Variants in TCF4 observed in about 807,000 individuals in gnomAD.
The protein encoded by TCF4 is SL3-3 enhancer factor 2.
Under a neutral mutation model 82.1 loss-of-function variants are expected in TCF4, and 3 were observed. The observed-to-expected ratio is 0.04, with a 90% CI of 0.02 to 0.09. The LOEUF is 0.09. TCF4 is among the 10% of genes least tolerant of loss of function. The pLI is 1.00. For missense variants in TCF4, 518 were observed against 852.7 expected, an observed-to-expected ratio of 0.61 and a Z score of 4.89; for synonymous variants, 276 against 309.6, an observed-to-expected ratio of 0.89 and a Z score of 1.14.
intron 6 of TCF4, among the ~76,000 whole-genome samples, chr18:55,363,830 A>T (rs975160205): frequency 5.9e-5 from 9 of 152,056 alleles, no homozygotes; most frequent in Admixed American, 1.3e-4. Flanking sequence ...AATAAATAAA[A>T]ATAAATGAAA....
intron 5 of TCF4, among the ~76,000 whole-genome samples, chr18:55,410,863 T>C (rs530414280): frequency 1.3e-5 from 2 of 152,232 alleles, no homozygotes; most frequent in African/African-American, 2.4e-5. Flanking sequence ...TGAGTGAACA[T>C]CCTACAGTCC....
At chr18:55,270,169 C>T (rs1313065945) in intron 10 of TCF4, among the ~76,000 whole-genome samples, 3 of 152,066 alleles carry the variant, frequency 2.0e-5, no homozygotes, top group Non-Finnish European at 4.4e-5. Context: ...GGGTTTGCAT[C>T]AACTGTGGAG....
chr18:55,479,714 C>A (rs1256409159), intron 3 of TCF4, among the ~76,000 whole-genome samples: 1 of 152,144 alleles, frequency 6.6e-6, no homozygotes, highest in Non-Finnish European at 1.5e-5. Flanking sequence ...AGGCTAGGAC[C>A]AGAGCCCACC....
At chr18:55,509,154 A>G (rs887223951) in intron 3 of TCF4, among the ~76,000 whole-genome samples, 5 of 152,204 alleles carry the variant, frequency 3.3e-5, no homozygotes, top group African/African-American at 4.8e-5. Context: ...AAGGAACATT[A>G]TTGTCCACTG....
chr18:55,413,872 G>T (rs572553773), intron 5 of TCF4, among the ~76,000 whole-genome samples: 1 of 152,294 alleles, frequency 6.6e-6, no homozygotes. Context: ...CTGAATAGTG[G>T]TGAATGAGGC....
At chr18:55,374,649 C>A (rs2090248836) in intron 6 of TCF4, among the ~76,000 whole-genome samples, 1 of 151,708 alleles carries the variant, frequency 6.6e-6, no homozygotes, top group Non-Finnish European at 1.5e-5. Context: ...ATTTGTAATC[C>A]CAGCAGTTTG....
chr18:55,622,534 T>G (rs2097722429), intron 2 of TCF4, among the ~76,000 whole-genome samples: 1 of 151,412 alleles, frequency 6.6e-6, no homozygotes, highest in African/African-American at 2.4e-5. Context: ...AAGTAACTGC[T>G]TTGTTTAGTT....
chr18:55,585,525 C>T (rs2097633811), intron 2 of TCF4, 173 bp from the exon 3 acceptor site: 4 of 689,298 alleles, frequency 5.8e-6, no homozygotes, highest in Non-Finnish European at 9.8e-6. Flanking sequence ...TTACAGATCC[C>T]ACCCCAGCCC....
intron 5 of TCF4, among the ~76,000 whole-genome samples, chr18:55,405,559 T>C (rs984722715): frequency 6.6e-6 from 1 of 152,226 alleles, no homozygotes; most frequent in African/African-American, 2.4e-5. Flanking sequence ...CTCAGCATTA[T>C]TTCCCAACTT....
chr18:55,483,532 G>A (rs1006881806), intron 3 of TCF4, among the ~76,000 whole-genome samples: 1 of 152,214 alleles, frequency 6.6e-6, no homozygotes, highest in Non-Finnish European at 1.5e-5. Flanking sequence ...TAGTAAAAAT[G>A]CAGTGAAACA....
rs1270340309 is a variant in TCF4, at chr18:55,421,209, T to TAC, written c.305-17693_305-17692dup. 2.0e-5 allele frequency among the ~76,000 whole-genome samples: 3 copies of TAC among 152,128 alleles called. No homozygotes were observed. In the East Asian group the frequency reaches 5.8e-4, roughly 29 times the overall value. On this transcript the variant is annotated intron_variant, in intron 5 of 19. Coordinates refer to ENST00000354452, the MANE Select transcript of TCF4 (RefSeq NM_001083962.2). ...ACACACATTTACACACATGCCTGTG[T>TAC]ACACACACACAGGTTCATGTACAAA...
At chr18:55,455,179 C>CAAAAAAAA (rs35889370) in intron 5 of TCF4, among the ~76,000 whole-genome samples, 2 of 67,468 alleles carry the variant, frequency 3.0e-5, no homozygotes, top group Non-Finnish European at 5.8e-5. Flanking sequence ...GACTCTGTCT[C>CAAAAAAAA]AAAAAAAAAA....
chr18:55,258,562 T>C (rs1475020958), intron 13 of TCF4, among the ~76,000 whole-genome samples: 33 of 152,136 alleles, frequency 2.2e-4, no homozygotes, highest in Admixed American at 2.2e-3. Flanking sequence ...ACAACTCAAC[T>C]CCCTTTTTGG....
intron 8 of TCF4, among the ~76,000 whole-genome samples, chr18:55,328,786 T>A (rs1483200107): frequency 6.6e-6 from 1 of 152,180 alleles, no homozygotes; most frequent in Non-Finnish European, 1.5e-5. Flanking sequence ...TTTTAAAAAA[T>A]TTGTGAATAA....
intron 3 of TCF4, among the ~76,000 whole-genome samples, chr18:55,542,669 C>CAT (rs767490678): frequency 3.9e-5 from 6 of 151,964 alleles, no homozygotes; most frequent in Non-Finnish European, 5.9e-5. Flanking sequence ...CACACACACA[C>CAT]ATATATGTAC....
chr18:55,468,887 C>CA lies in TCF4; in HGVS notation c.146-4751_146-4750insT, dbSNP rs1568136706. ...CTGAATCTATTTAGTTCTCGCCCCC[C>CA]CCCCCCTTGTTCTATTGCCACCCTT... On this transcript the variant is annotated intron_variant, in intron 3 of 19. Coordinates refer to ENST00000354452, the MANE Select transcript of TCF4 (RefSeq NM_001083962.2). Among the ~76,000 whole-genome samples the CA allele has an allele frequency of 8.1e-5, 10 of 123,990 alleles. 1 individual carries two copies. In the East Asian group the frequency reaches 9.9e-4, roughly 12 times the overall value. 81.3% of individuals were successfully genotyped at this position (123,990 alleles called of 152,430 possible). A position where few individuals can be genotyped will look rare whatever the true frequency, so the allele number is the denominator to read the frequency against.
intron 8 of TCF4, among the ~76,000 whole-genome samples, chr18:55,345,133 G>C (rs1294693152): frequency 6.6e-6 from 1 of 152,060 alleles, no homozygotes; most frequent in African/African-American, 2.4e-5. Context: ...TTGAGTATGT[G>C]CAAGCCTCTT....
chr18:55,261,596 C>T (rs2145732776), intron 11 of TCF4, 63 bp from the exon 12 acceptor site: 1 of 1,566,518 alleles, frequency 6.4e-7, no homozygotes, highest in East Asian at 2.2e-5. Context: ...TTTTCTATTC[C>T]TGGTCCATTT....
chr18:55,579,594 C>T (rs1174731382), intron 3 of TCF4, among the ~76,000 whole-genome samples: 2 of 151,920 alleles, frequency 1.3e-5, no homozygotes, highest in Non-Finnish European at 2.9e-5. Context: ...TGGTTTAAGA[C>T]TTGTAAACTG....
Sources: gnomAD v4.1 joint callset for allele counts (sites outside exome capture counted in the v4.1 genomes callset) on GRCh38, gnomAD v4.1.1 for gene constraint, MANE v1.5 for transcripts, NCBI Gene and HGNC (gene_info 2026-07-23, HGNC 2026-07-21) for gene names.